ADAMTSL1: variants seen among roughly 807,000 people sequenced by gnomAD.
ADAMTSL1 encodes ADAMTS like 1, also known as ADAMTS-like protein 1.
ADAMTSL1 carries 126 observed loss-of-function variants against 201.8 expected under a neutral mutation model. That is an observed-to-expected ratio of 0.62 (90% confidence interval 0.54 to 0.72). The LOEUF (loss-of-function observed/expected upper bound fraction) is 0.72. ADAMTSL1 is among the 30% of genes least tolerant of loss of function. The pLI is 0.00. For missense variants in ADAMTSL1, 2,679 were observed against 2,277.8 expected, an observed-to-expected ratio of 1.18 and a Z score of -3.59; for synonymous variants, 1,121 against 903.4, an observed-to-expected ratio of 1.24 and a Z score of -4.32.
intron 1 of ADAMTSL1, among the ~76,000 whole-genome samples, chr9:18,111,360 T>C (rs1179898905): frequency 1.3e-5 from 2 of 152,222 alleles, no homozygotes; most frequent in Non-Finnish European, 2.9e-5. Context: ...TTTCACTTAA[T>C]GTCTAAAGCT....
At chr9:18,260,060 C>T (rs1460395203) in intron 2 of ADAMTSL1, among the ~76,000 whole-genome samples, 4 of 152,166 alleles carry the variant, frequency 2.6e-5, no homozygotes, top group African/African-American at 9.7e-5. Flanking sequence ...TTTAAACCGT[C>T]AAAGGCATCA....
rs770332554 is a variant in ADAMTSL1 at position 18,777,203 on chromosome 9, C to T, written c.2974C>T (p.Leu992=). ...AGRKGGPKEA[L]QTHKHQNGIF... Reference sequence around the variant, plus strand: ...GAGGAAGGGCGGCCCGAAGGAGGCCCTGCAGACCCACAAACACCAGAACGG... The same window carrying T: ...GAGGAAGGGCGGCCCGAAGGAGGCCTTGCAGACCCACAAACACCAGAACGG... Residue 992 remains leucine, a synonymous_variant, in exon 19 of 29, where the codon CTG becomes TTG. Transcript: ENST00000380548. The T allele has an allele frequency of 1.2e-6, 2 of 1,612,758 alleles. No homozygotes were observed. Among genetic ancestry groups the T allele is most frequent in the African/African-American group, 2.7e-5 (2 of 74,952 alleles).
chr9:18,099,326 A>ATATAT (rs1824387699), intron 1 of ADAMTSL1, among the ~76,000 whole-genome samples: 1 of 57,590 alleles, frequency 1.7e-5, no homozygotes, highest in African/African-American at 8.1e-5. Context: ...GCAAATGGAA[A>ATATAT]ATATATATAT....
intron 20 of ADAMTSL1, among the ~76,000 whole-genome samples, chr9:18,801,727 C>T (rs1822818958): frequency 6.6e-6 from 1 of 152,252 alleles, no homozygotes; most frequent in East Asian, 1.9e-4. Context: ...CATAGTATTC[C>T]ATGATGTATA....
intron 1 of ADAMTSL1, among the ~76,000 whole-genome samples, chr9:17,993,948 GT>G (rs1247035302): frequency 1.3e-5 from 2 of 152,030 alleles, no homozygotes; most frequent in Non-Finnish European, 2.9e-5. Flanking sequence ...CTTTGTCTAT[GT>G]TTTGAGAGAC....
chr9:18,871,724 T>C (rs553307376), intron 23 of ADAMTSL1, among the ~76,000 whole-genome samples: 6 of 152,210 alleles, frequency 3.9e-5, no homozygotes, highest in Non-Finnish European at 7.4e-5. Flanking sequence ...CCAAACTCTT[T>C]AGCTCTTATT....
intron 2 of ADAMTSL1, among the ~76,000 whole-genome samples, chr9:18,385,339 A>G (rs1176870807): frequency 6.6e-6 from 1 of 152,120 alleles, no homozygotes; most frequent in Non-Finnish European, 1.5e-5. Flanking sequence ...ATTGCCAGAC[A>G]TCCTTTGAGG....
chr9:18,540,687 G>T (rs1820077028), intron 3 of ADAMTSL1, among the ~76,000 whole-genome samples: 1 of 152,170 alleles, frequency 6.6e-6, no homozygotes, highest in African/African-American at 2.4e-5. Context: ...AAGGCTGAAA[G>T]AAAACTTGGT....
chr9:18,795,831 C>A (rs1215994142), intron 20 of ADAMTSL1, among the ~76,000 whole-genome samples: 1 of 152,124 alleles, frequency 6.6e-6, no homozygotes, highest in African/African-American at 2.4e-5. Flanking sequence ...GTGATGTGTG[C>A]AAATCAGTAG....
At chr9:18,649,891 G>A (rs568879736) in intron 7 of ADAMTSL1, among the ~76,000 whole-genome samples, 32 of 152,222 alleles carry the variant, frequency 2.1e-4, no homozygotes, top group African/African-American at 5.8e-4. Context: ...CTCCAGCTGC[G>A]TGCTGGGAGA....
chr9:18,387,357 A>C (rs978945924), intron 2 of ADAMTSL1, among the ~76,000 whole-genome samples: 1 of 151,696 alleles, frequency 6.6e-6, no homozygotes, highest in African/African-American at 2.4e-5. Context: ...CCTCCTATAC[A>C]GCCTTGCTAT....
At chr9:18,291,522 C>T (rs752899669) in intron 2 of ADAMTSL1, among the ~76,000 whole-genome samples, 3 of 152,112 alleles carry the variant, frequency 2.0e-5, no homozygotes, top group Non-Finnish European at 4.4e-5. Context: ...CCTACTTTAG[C>T]CCCAAGGTGA....
chr9:18,481,896 G>C (rs77539128), intron 1 of ADAMTSL1, among the ~76,000 whole-genome samples: 10 of 152,102 alleles, frequency 6.6e-5, no homozygotes, highest in African/African-American at 2.4e-4. Context: ...TGTCTAGAGA[G>C]TTTTCATCTG....
intron 6 of ADAMTSL1, among the ~76,000 whole-genome samples, chr9:18,638,542 C>T (rs577565217): frequency 1.6e-4 from 24 of 152,206 alleles, no homozygotes; most frequent in Middle Eastern, 3.4e-3. Context: ...CTCTGATTTT[C>T]TACAACAAAA....
chr9:18,691,256 T>C (rs1831198550), intron 13 of ADAMTSL1, among the ~76,000 whole-genome samples: 1 of 152,212 alleles, frequency 6.6e-6, no homozygotes, highest in Admixed American at 6.5e-5. Flanking sequence ...GTTAAGCTAC[T>C]ACATGGTAAT....
intron 2 of ADAMTSL1, among the ~76,000 whole-genome samples, chr9:18,385,843 G>T (rs1237121864): frequency 6.6e-6 from 1 of 152,154 alleles, no homozygotes; most frequent in Non-Finnish European, 1.5e-5. Context: ...AACACATGGT[G>T]CAGGAAAGGA....
intron 23 of ADAMTSL1, among the ~76,000 whole-genome samples, chr9:18,859,116 A>T (rs1486337065): frequency 6.6e-6 from 1 of 152,262 alleles, no homozygotes; most frequent in East Asian, 1.9e-4. Flanking sequence ...AAATTACCAT[A>T]GATTTAGTGG....
At chr9:18,536,144 A>T (rs149507997) in intron 3 of ADAMTSL1, among the ~76,000 whole-genome samples, 75 of 152,326 alleles carry the variant, frequency 4.9e-4, no homozygotes, top group Middle Eastern at 3.4e-3. Context: ...CACAAAAAAA[A>T]TTTTAAGAAA....
At chr9:18,283,391 G>T (rs1832866443) in intron 2 of ADAMTSL1, among the ~76,000 whole-genome samples, 1 of 151,566 alleles carries the variant, frequency 6.6e-6, no homozygotes, top group African/African-American at 2.4e-5. Context: ...GATCACTTAA[G>T]CCCAGAACTT....
Sources: allele counts gnomAD v4.1 joint callset (sites outside exome capture counted in the v4.1 genomes callset), GRCh38; gene constraint gnomAD v4.1.1; transcripts MANE v1.5; gene names NCBI Gene and HGNC (gene_info 2026-07-23, HGNC 2026-07-21).